MSRA: variants seen among roughly 807,000 people sequenced by gnomAD.
The protein encoded by MSRA is mitochondrial peptide methionine sulfoxide reductase.
In MSRA, 54 loss-of-function variants were observed where a neutral mutation model predicts 31.3. The ratio of observed to expected loss-of-function variants is 1.73; its 90% CI spans 1.39 to 2.17. The LOEUF (loss-of-function observed/expected upper bound fraction) is 2.17. Ranked by LOEUF, MSRA falls within the 30% of genes most tolerant of loss-of-function variation. MSRA has a pLI of 0.00. For missense variants in MSRA, 507 were observed against 300.9 expected, an observed-to-expected ratio of 1.69 and a Z score of -5.07; for synonymous variants, 169 against 116.5, an observed-to-expected ratio of 1.45 and a Z score of -2.90.
Position 10,054,422 on chromosome 8 carries a change from G to A in MSRA, c.-95G>A, listed in dbSNP as rs573347629. The A allele has an allele frequency of 3.6e-5, 33 of 918,048 alleles. No individual in the cohort carries two copies. The highest frequency in any genetic ancestry group is 3.8e-5 in the Non-Finnish European group (27 of 705,490). The allele number at this position is 918,048 out of a possible 1,614,324, so 56.9% of individuals were successfully genotyped here. On this transcript the variant is annotated 5_prime_UTR_variant, in exon 1 of 6. Transcript: ENST00000317173. ...CCGCCCGCGCCCCTGCCGCCCCCCG[G>A]TTCCGGCCGCGGACCCCACTCTCTG...
intron 1 of MSRA, chr8:10,096,065 T>A: frequency 7.2e-7 from 1 of 1,389,102 alleles, no homozygotes; most frequent in Non-Finnish European, 9.5e-7. Flanking sequence ...GATTTTATTT[T>A]ATTTTATTTT....
chr8:10,375,269 TG>T (rs1805697007), intron 5 of MSRA, among the ~76,000 whole-genome samples: 1 of 152,158 alleles, frequency 6.6e-6, no homozygotes, highest in African/African-American at 2.4e-5. Flanking sequence ...TGGCGTCTGC[TG>T]GGTAGCAGTC....
chr8:10,353,851 G>A (rs1804349185), intron 5 of MSRA: 2 of 211,626 alleles, frequency 9.5e-6, no homozygotes, highest in Non-Finnish European at 9.7e-6. Flanking sequence ...CTTGTGTCAT[G>A]TAGGAAACTT....
intron 3 of MSRA, among the ~76,000 whole-genome samples, chr8:10,298,656 A>C (rs1800674232): frequency 6.6e-6 from 1 of 152,234 alleles, no homozygotes; most frequent in African/African-American, 2.4e-5. Flanking sequence ...AATGGCATCA[A>C]GTAGATAAGT....
chr8:10,217,573 A>G (rs1186078199), intron 2 of MSRA, among the ~76,000 whole-genome samples: 1 of 152,228 alleles, frequency 6.6e-6, no homozygotes, highest in East Asian at 1.9e-4. Flanking sequence ...AGAGCTTAGT[A>G]TAATGAAGCC....
rs149728761 is a variant in MSRA, at chr8:10,124,740, A to G, written c.142+70082A>G. ...CAAGAAATCTATTATTCGAGGATGC[A>G]GAGATGATTTTTTTTTGGTTGAGTT... is the stretch of plus-strand genomic sequence containing the variant. On this transcript the variant is annotated intron_variant, in intron 1 of 5. Transcript: ENST00000317173. Among the ~76,000 whole-genome samples, 1,170 of 152,274 alleles carry G rather than the reference A, an allele frequency of 7.7e-3. 35 individuals are homozygous for G. The highest frequency in any genetic ancestry group is 5.2e-3 in the Non-Finnish European group (355 of 68,012).
intron 3 of MSRA, among the ~76,000 whole-genome samples, chr8:10,262,982 T>G (rs1316223710): frequency 6.6e-6 from 1 of 152,208 alleles, no homozygotes; most frequent in Non-Finnish European, 1.5e-5. Flanking sequence ...TCCCTTGACT[T>G]CCTGCAAGTT....
At chr8:10,405,507 T>G (rs1264218194) in intron 5 of MSRA, among the ~76,000 whole-genome samples, 2 of 152,136 alleles carry the variant, frequency 1.3e-5, no homozygotes, top group Admixed American at 6.6e-5. Flanking sequence ...TGCCCGGCAT[T>G]TTTTTTTCCT....
At chr8:10,372,976 G>C (rs900374530) in intron 5 of MSRA, among the ~76,000 whole-genome samples, 1 of 152,202 alleles carries the variant, frequency 6.6e-6, no homozygotes, top group Non-Finnish European at 1.5e-5. Context: ...TGCAACCTCC[G>C]CCTCTGAGGT....
chr8:10,389,790 C>CT (rs55769720), intron 5 of MSRA, among the ~76,000 whole-genome samples: 76 of 123,402 alleles, frequency 6.2e-4, no homozygotes, highest in East Asian at 1.6e-3. Context: ...GAAACTTACT[C>CT]TTTTTTTTTT....
intron 5 of MSRA, among the ~76,000 whole-genome samples, chr8:10,397,743 A>G (rs1274850669): frequency 6.6e-6 from 1 of 152,246 alleles, no homozygotes; most frequent in African/African-American, 2.4e-5. Flanking sequence ...TGCGTGGAAC[A>G]TGAAGATGTT....
At chr8:10,403,217 A>G (rs1174581100) in intron 5 of MSRA, among the ~76,000 whole-genome samples, 1 of 152,216 alleles carries the variant, frequency 6.6e-6, no homozygotes, top group Non-Finnish European at 1.5e-5. Flanking sequence ...ACCTGAGACT[A>G]ACGAAACAGC....
intron 5 of MSRA, among the ~76,000 whole-genome samples, chr8:10,410,512 T>G (rs1808091369): frequency 6.6e-6 from 1 of 152,222 alleles, no homozygotes; most frequent in African/African-American, 2.4e-5. Flanking sequence ...TGTGATGTAT[T>G]ATCTCAAATA....
At chr8:10,153,267 G>A (rs1463053771) in intron 1 of MSRA, among the ~76,000 whole-genome samples, 2 of 152,140 alleles carry the variant, frequency 1.3e-5, no homozygotes, top group African/African-American at 4.8e-5. Flanking sequence ...GGGAGCATGT[G>A]GATGAGGCAT....
At chr8:10,242,009 C>T (rs375186764) in intron 2 of MSRA, among the ~76,000 whole-genome samples, 11 of 152,264 alleles carry the variant, frequency 7.2e-5, no homozygotes, top group East Asian at 5.8e-4. Flanking sequence ...TGGTGGCTCA[C>T]GCCTGTAATC....
At chr8:10,342,842 C>T (rs947243586) in intron 5 of MSRA, among the ~76,000 whole-genome samples, 3 of 152,228 alleles carry the variant, frequency 2.0e-5, no homozygotes, top group African/African-American at 7.2e-5. Context: ...CGGTGAAAGA[C>T]AGCTTGGTTC....
At chr8:10,374,171 G>A (rs147141333) in intron 5 of MSRA, among the ~76,000 whole-genome samples, 2 of 152,174 alleles carry the variant, frequency 1.3e-5, no homozygotes, top group Admixed American at 6.5e-5. Context: ...CCTACGATCC[G>A]TTTGGTCCCA....
intron 5 of MSRA, among the ~76,000 whole-genome samples, chr8:10,357,123 C>T (rs1009427957): frequency 2.0e-5 from 3 of 152,180 alleles, no homozygotes; most frequent in African/African-American, 7.2e-5. Context: ...TTTTCATCGG[C>T]AAACCTACAC....
At chr8:10,239,908 G>C (rs1812264670) in intron 2 of MSRA, among the ~76,000 whole-genome samples, 2 of 151,876 alleles carry the variant, frequency 1.3e-5, no homozygotes, top group Middle Eastern at 3.4e-3. Context: ...CACCTGCACA[G>C]TTTGTTCACT....
Sources: gnomAD v4.1 joint callset for allele counts (sites outside exome capture counted in the v4.1 genomes callset) on GRCh38, gnomAD v4.1.1 for gene constraint, MANE v1.5 for transcripts, NCBI Gene and HGNC (gene_info 2026-07-23, HGNC 2026-07-21) for gene names.